Variants in RTN3 observed in about 807,000 individuals in gnomAD.
RTN3 encodes the protein reticulon-3.
A neutral mutation model predicts 77.8 loss-of-function variants in RTN3; 49 were observed. The observed-to-expected ratio is 0.63, with a 90% CI of 0.50 to 0.80. The LOEUF is 0.80. RTN3 is among the 30% of genes least tolerant of loss of function. The pLI is 0.00. For missense variants in RTN3, 1,236 were observed against 1,211.9 expected (o/e 1.02, Z -0.29); for synonymous variants, 464 against 446.9 (o/e 1.04, Z -0.48).
intron 2 of RTN3, among the ~76,000 whole-genome samples, chr11:63,707,141 C>T (rs960074398): frequency 6.6e-6 from 1 of 152,052 alleles, no homozygotes; most frequent in Non-Finnish European, 1.5e-5. Context: ...TCAAGTGATT[C>T]GCCTGCCTTG....
rs2011229364 is a variant in RTN3, at chr11:63,713,618, T to C, written c.200-5084T>C. Reference sequence around the variant, plus strand: ...GAGCCACCACACTCAGCTGATTCCCTTTTTAGTAAATCTACTAGATCTATG... The same window carrying C: ...GAGCCACCACACTCAGCTGATTCCCCTTTTAGTAAATCTACTAGATCTATG... On this transcript the variant is annotated intron_variant, in intron 2 of 8. Coordinates refer to ENST00000377819, the MANE Select transcript of RTN3 (RefSeq NM_001265589.2). Among the ~76,000 whole-genome samples the C allele has an allele frequency of 1.3e-5, 2 of 152,172 alleles. 1 individual carries two copies. Among genetic ancestry groups the C allele is most frequent in the South Asian group, 4.2e-4 (2 of 4,818 alleles).
intron 8 of RTN3, among the ~76,000 whole-genome samples, chr11:63,756,652 A>C (rs2014395546): frequency 6.6e-6 from 1 of 152,214 alleles, no homozygotes; most frequent in Non-Finnish European, 1.5e-5. Context: ...CCCAGGCTGA[A>C]GTGCAGTCTC....
intron 3 of RTN3, among the ~76,000 whole-genome samples, chr11:63,738,909 C>T (rs1159406711): frequency 2.0e-5 from 3 of 152,080 alleles, no homozygotes; most frequent in Non-Finnish European, 4.4e-5. Flanking sequence ...TTCCTTTTTC[C>T]TTAGCCTGAG....
chr11:63,720,916 T>C lies in RTN3; in HGVS notation c.2414T>C (p.Ile805Thr). The C allele has an allele frequency of 6.2e-7, 1 of 1,614,106 alleles. No homozygotes were observed. The change falls in exon 3 of 9, where the codon ATT becomes ACT. Residue 805 changes from isoleucine (I) to threonine (T), a missense_variant. Around this residue, in one of 3 missense-constraint regions of RTN3, gnomAD observed 1,056 missense variants for 990.4 expected, o/e 1.07. Coordinates refer to ENST00000377819, the MANE Select transcript of RTN3 (RefSeq NM_001265589.2). ...RNVKNGSDLGISQKPITIRET... is the reference protein window; with the variant it reads ...RNVKNGSDLGTSQKPITIRET... ...GTCAAGAATGGATCTGATCTTGGGA[T>C]TTCCCAGAAGCCCATCACTATCAGA...
At chr11:63,688,253 T>G (rs1263464805) in intron 1 of RTN3, among the ~76,000 whole-genome samples, 1 of 147,242 alleles carries the variant, frequency 6.8e-6, no homozygotes, top group African/African-American at 2.5e-5. Context: ...AGACGGAGTC[T>G]CGCTCTGTCG....
intron 2 of RTN3, among the ~76,000 whole-genome samples, chr11:63,717,544 C>G (rs897030107): frequency 1.3e-5 from 2 of 151,516 alleles, no homozygotes; most frequent in Non-Finnish European, 2.9e-5. Context: ...CCTGCCACCA[C>G]GCCCGGCTAA....
At position 63,698,747 on chromosome 11, in the gene RTN3, G is replaced by A. The variant is rs567183737; in HGVS notation, c.143-6104G>A. The A allele has an allele frequency of 8.2e-5, 14 of 170,984 alleles. No individual in the cohort carries two copies. The South Asian group carries it at 1.2e-3, about 15-fold the overall frequency. 10.6% of individuals were successfully genotyped at this position (170,984 alleles called of 1,614,324 possible). A position where few individuals can be genotyped will look rare whatever the true frequency, so the allele number is the denominator to read the frequency against. ...CGACTGACTGCCAGCACCTGCTCCC[G>A]AGCTCCTACCACTGGCCCCTTTAAA... On this transcript the variant is annotated intron_variant, in intron 1 of 8. Transcript: ENST00000377819.
chr11:63,749,862 A>G, intron 3 of RTN3, 129 bp from the exon 4 acceptor site: 1 of 730,472 alleles, frequency 1.4e-6, no homozygotes. Flanking sequence ...TCTCTTTAAA[A>G]AAACAAAACC....
rs142842979 is a variant in RTN3 at position 63,697,772 on chromosome 11, G to A, written c.143-7079G>A. Among the ~76,000 whole-genome samples, 78 of 152,246 alleles carry A rather than the reference G, an allele frequency of 5.1e-4. 1 individual carries two copies. The highest frequency in any genetic ancestry group is 1.7e-3 in the African/African-American group (72 of 41,558). On this transcript the variant is annotated intron_variant, in intron 1 of 8. Coordinates refer to ENST00000377819, the MANE Select transcript of RTN3 (RefSeq NM_001265589.2). ...ATTACAGGCGAGAGCCACCGCGCCC[G>A]GCCCACCTGTGCTTTTTCAATCCCA... is the stretch of plus-strand genomic sequence containing the variant.
In RTN3 at chr11:63,720,379, C is replaced by T; in HGVS notation, c.1877C>T (p.Ser626Leu). 3 of 1,614,066 alleles carry T rather than the reference C, an allele frequency of 1.9e-6. No individual in the cohort carries two copies. Among genetic ancestry groups the T allele is most frequent in the Non-Finnish European group, 1.7e-6 (2 of 1,179,992 alleles). The change falls in exon 3 of 9, where the codon TCA becomes TTA. Residue 626 changes from serine to leucine, a missense_variant. Transcript: ENST00000377819. Reference protein sequence around the residue: ...SPNVFNETEFSLNVTTSAYLE... With the variant: ...SPNVFNETEFLLNVTTSAYLE... ...AATGTTTTTAATGAGACAGAATTCTCATTAAATGTGACAACATCTGCCTAT... is the reference window on the plus strand; with the variant it reads ...AATGTTTTTAATGAGACAGAATTCTTATTAAATGTGACAACATCTGCCTAT...
At chr11:63,698,158 G>A (rs1211936018) in intron 1 of RTN3, among the ~76,000 whole-genome samples, 2 of 145,496 alleles carry the variant, frequency 1.4e-5, no homozygotes, top group Non-Finnish European at 3.0e-5. Context: ...TTAAAACAGT[G>A]TCTCACTCTT....
At chr11:63,698,142 T>C (rs956804977) in intron 1 of RTN3, among the ~76,000 whole-genome samples, 4 of 152,068 alleles carry the variant, frequency 2.6e-5, no homozygotes, top group African/African-American at 9.7e-5. Context: ...CTTTTTTTTT[T>C]TTTCTTTAAA....
intron 7 of RTN3, 111 bp downstream of exon 7, chr11:63,753,819 A>G (rs917806545): frequency 9.9e-7 from 1 of 1,009,808 alleles, no homozygotes; most frequent in Non-Finnish European, 1.5e-6. Flanking sequence ...TATTTCTACA[A>G]TCTAATTTTG....
At chr11:63,691,516 C>G (rs949444151) in intron 1 of RTN3, among the ~76,000 whole-genome samples, 2 of 152,154 alleles carry the variant, frequency 1.3e-5, no homozygotes, top group African/African-American at 4.8e-5. Flanking sequence ...CTTAGCCTCT[C>G]AAAGTGCTGG....
At chr11:63,735,914 C>T (rs189876468) in intron 3 of RTN3, among the ~76,000 whole-genome samples, 4 of 152,164 alleles carry the variant, frequency 2.6e-5, no homozygotes, top group Admixed American at 2.6e-4. Context: ...TTATAAAACT[C>T]CAGTAATAAA....
intron 2 of RTN3, among the ~76,000 whole-genome samples, chr11:63,705,528 C>T (rs1451365881): frequency 6.6e-6 from 1 of 152,190 alleles, no homozygotes; most frequent in Non-Finnish European, 1.5e-5. Context: ...AACACCCAAC[C>T]CCTAGAATGC....
rs575021188 is a variant in RTN3, at chr11:63,708,341, T to TA, written c.199+3444dup. Among the ~76,000 whole-genome samples, 8 of 149,642 alleles carry TA rather than the reference T, an allele frequency of 5.3e-5. No individual in the cohort carries two copies. In the East Asian group the frequency reaches 5.8e-4, roughly 11 times the overall value. On this transcript the variant is annotated intron_variant, in intron 2 of 8. Transcript: ENST00000377819. ...AGCAATATGTAGTAATAATAGGACT[T>TA]AAAAAAAAAATAGAGACAAGGTCTC... is the stretch of plus-strand genomic sequence containing the variant.
At chr11:63,688,949 C>T (rs1941512712) in intron 1 of RTN3, among the ~76,000 whole-genome samples, 1 of 152,112 alleles carries the variant, frequency 6.6e-6, no homozygotes, top group Non-Finnish European at 1.5e-5. Context: ...CTTCTCTTTA[C>T]CCATAATCCT....
intron 3 of RTN3, among the ~76,000 whole-genome samples, chr11:63,742,239 A>G (rs1417550757): frequency 6.6e-6 from 1 of 150,720 alleles, no homozygotes; most frequent in Admixed American, 6.6e-5. Context: ...TCGGCCTCCC[A>G]AAGTGCTGGG....
Sources: allele counts gnomAD v4.1 joint callset (sites outside exome capture counted in the v4.1 genomes callset), GRCh38; gene constraint gnomAD v4.1.1; regional missense constraint gnomAD v4.1.1; transcripts MANE v1.5; gene names NCBI Gene and HGNC (gene_info 2026-07-23, HGNC 2026-07-21).